Variants in TLR10 observed in about 807,000 individuals in gnomAD.
TLR10 encodes the protein toll-like receptor 10.
For synonymous variants in TLR10, 288 were observed against 338.8 expected (o/e 0.85, Z 1.65); for missense variants, 929 against 932.9 (o/e 1.00, Z 0.05).
intron 1 of TLR10, among the ~76,000 whole-genome samples, chr4:38,781,305 C>G (rs1046634548): frequency 6.6e-6 from 1 of 151,874 alleles, no homozygotes; most frequent in African/African-American, 2.4e-5. Flanking sequence ...TGTGCTTGGC[C>G]TCATTAAAGC....
rs182700988 is a variant in TLR10, at chr4:38,773,740, C to A, written c.1851G>T (p.Trp617Cys). 3.7e-6 allele frequency: 6 copies of A among 1,613,428 alleles called. No homozygotes were observed. In the African/African-American group the frequency reaches 6.7e-5, roughly 18 times the overall value. The change falls in exon 4 of 4, where the codon TGG becomes TGT. Residue 617 changes from tryptophan to cysteine, a missense_variant. By Grantham distance (215) the Trp-to-Cys change is radical. Coordinates refer to ENST00000308973, the MANE Select transcript of TLR10 (RefSeq NM_030956.4). ...LRMLGQCTQT[W>C]HRVRKTTQEQ... ...CTTGGGTTGTTTTCCTAACCCTGTG[C>A]CATGTTTGTGTGCATTGACCTAGCA...
intron 1 of TLR10, among the ~76,000 whole-genome samples, chr4:38,782,683 T>A (rs1725482846): frequency 6.6e-6 from 1 of 152,240 alleles, no homozygotes. Context: ...TGACCAGGTT[T>A]GATCCGCAAT....
chr4:38,774,961 T>C lies in TLR10; in HGVS notation c.630A>G (p.Gly210=). The C allele has an allele frequency of 6.2e-7, 1 of 1,613,528 alleles. No homozygotes were observed. Residue 210 remains glycine (G), a synonymous_variant, in exon 4 of 4, where the codon GGA becomes GGG. Transcript: ENST00000308973. ...DTNFWVLLRD[G]IKTSKILEMT... is the part of the protein sequence containing the mutation. Reference sequence around the variant, plus strand: ...TTTCTAATATTTTTGAAGTCTTGATTCCATCACGCAAAAGAACCCAGAAAT... The same window carrying C: ...TTTCTAATATTTTTGAAGTCTTGATCCCATCACGCAAAAGAACCCAGAAAT...
At position 38,775,452 on chromosome 4, in the gene TLR10, T is replaced by C; in HGVS notation, c.139A>G (p.Thr47Ala). 2 of 1,613,790 alleles carry C rather than the reference T, an allele frequency of 1.2e-6. No homozygotes were observed. Among genetic ancestry groups the C allele is most frequent in the Non-Finnish European group, 1.7e-6 (2 of 1,179,954 alleles). Residue 47 changes from threonine to alanine, a missense_variant, in exon 4 of 4, where the codon ACC (threonine) becomes GCC (alanine). Coordinates refer to ENST00000308973, the MANE Select transcript of TLR10 (RefSeq NM_030956.4). ...MSLRKVPADL[T>A]PATTTLDLSY... ...AAATCCAGTGTCGTTGTGGCTGGGG[T>C]CAAGTCTGCGGGAACCTTTCTTAGA...
chr4:38,774,800 T>A lies in TLR10; in HGVS notation c.791A>T (p.Gln264Leu), dbSNP rs756335851. The change falls in exon 4 of 4, where the codon CAA becomes CTA. Residue 264 changes from glutamine (Q) to leucine (L), a missense_variant. Physicochemically the swap from Gln to Leu is moderately radical, Grantham distance 113. Coordinates refer to ENST00000308973, the MANE Select transcript of TLR10 (RefSeq NM_030956.4). The stretch of plus-strand genomic sequence containing the variant: ...TTCCACTGATGTATGCCAAACAAAT[T>A]GTAAGATAAGGAAAAGGTCGTCCCA... ...LLWDDLFLILQFVWHTSVEHF... is the reference protein window; with the variant it reads ...LLWDDLFLILLFVWHTSVEHF... 3 of 1,598,468 alleles carry A rather than the reference T, an allele frequency of 1.9e-6. No homozygotes were observed.
At chr4:38,781,723 C>G (rs1057019394) in intron 1 of TLR10, among the ~76,000 whole-genome samples, 1 of 152,188 alleles carries the variant, frequency 6.6e-6, no homozygotes, top group Admixed American at 6.5e-5. Context: ...ATTTAATCAT[C>G]TAATTTATCT....
At chr4:38,781,352 T>G (rs1419161619) in intron 1 of TLR10, among the ~76,000 whole-genome samples, 1 of 149,306 alleles carries the variant, frequency 6.7e-6, no homozygotes, top group Non-Finnish European at 1.5e-5. Context: ...TTTTTTTTTT[T>G]GAGATGGAGT....
At chr4:38,776,979 G>T (rs1725094139) in intron 1 of TLR10, among the ~76,000 whole-genome samples, 1 of 152,088 alleles carries the variant, frequency 6.6e-6, no homozygotes, top group Admixed American at 6.6e-5. Context: ...GATCTCATGA[G>T]ACTTATTCAC....
Position 38,776,348 on chromosome 4 carries a change from C to G in TLR10, c.-490G>C, listed in dbSNP as rs1725058382. The G allele has an allele frequency of 9.8e-6, 2 of 203,676 alleles. No homozygotes were observed. Among genetic ancestry groups the G allele is most frequent in the Non-Finnish European group, 1.1e-5 (1 of 94,482 alleles). 12.6% of individuals were successfully genotyped at this position (203,676 alleles called of 1,614,324 possible). ...CTGCCAGTGAATACCAAGCCACAAT[C>G]TTCAGTCTGTTGTTAGACAACTATA... On this transcript the variant is annotated 5_prime_UTR_variant, in exon 2 of 4. Coordinates refer to ENST00000308973, the MANE Select transcript of TLR10 (RefSeq NM_030956.4).
intron 1 of TLR10, among the ~76,000 whole-genome samples, chr4:38,776,797 GAA>G (rs1725083198): frequency 6.6e-6 from 1 of 152,186 alleles, no homozygotes; most frequent in South Asian, 2.1e-4. Flanking sequence ...AAGAAGTTAA[GAA>G]AAGAGAGACT....
chr4:38,773,232 C>G lies in TLR10; in HGVS notation c.2359G>C (p.Glu787Gln), dbSNP rs1468841835. The G allele has an allele frequency of 2.0e-5, 32 of 1,599,996 alleles. No homozygotes were observed. The highest frequency in any genetic ancestry group is 2.6e-5 in the Non-Finnish European group (31 of 1,175,156). ...VNVLATREMY[E>Q]LQTFTELNEE... is the part of the protein sequence containing the mutation. Reference sequence around the variant, plus strand: ...TTTAACTCTGTGAATGTCTGCAGTTCATACATTTCTCTGGTGGCTAATACA... The same window carrying G: ...TTTAACTCTGTGAATGTCTGCAGTTGATACATTTCTCTGGTGGCTAATACA... The change falls in exon 4 of 4, where the codon GAA (glutamate) becomes CAA (glutamine). Residue 787 changes from glutamate to glutamine, a missense_variant. Glu to Gln is a conservative substitution (Grantham distance 29). Transcript: ENST00000308973.
chr4:38,778,429 A>AGAATAAAT (rs1553900917), intron 1 of TLR10, among the ~76,000 whole-genome samples: 5 of 149,020 alleles, frequency 3.4e-5, no homozygotes, highest in Non-Finnish European at 5.9e-5. Context: ...CTTACAGTAT[A>AGAATAAAT]AAATAAATAA....
At chr4:38,779,428 C>T (rs1256139769) in intron 1 of TLR10, among the ~76,000 whole-genome samples, 1 of 152,040 alleles carries the variant, frequency 6.6e-6, no homozygotes, top group Non-Finnish European at 1.5e-5. Flanking sequence ...CAGTGACTCC[C>T]TAGAGTGTAA....
At position 38,775,083 on chromosome 4, in the gene TLR10, C is replaced by T; in HGVS notation, c.508G>A (p.Val170Ile). 2 of 1,612,834 alleles carry T rather than the reference C, an allele frequency of 1.2e-6. No homozygotes were observed. The highest frequency in any genetic ancestry group is 8.5e-7 in the Non-Finnish European group (1 of 1,179,970). ...QKIAHLHLNT[V>I]FLGFRTLPHY... ...GGAAGAGTTCTGAATCCTAAGAAGA[C>T]AGTATTTAGATGCAGATGAGCAATT... The change falls in exon 4 of 4, where the codon GTC becomes ATC. Residue 170 changes from valine (V) to isoleucine (I), a missense_variant. Val to Ile is a conservative substitution (Grantham distance 29, BLOSUM62 3). Transcript: ENST00000308973.
intron 1 of TLR10, among the ~76,000 whole-genome samples, chr4:38,781,753 A>C (rs9998350): frequency 0.15 from 22,498 of 152,222 alleles, 2,849 homozygotes; most frequent in African/African-American, 0.35. Flanking sequence ...GATATAAAGA[A>C]ATAGAAAAGA....
Position 38,773,444 on chromosome 4 carries a change from T to C in TLR10, c.2147A>G (p.Asn716Ser). Residue 716 changes from asparagine (N) to serine (S), a missense_variant, in exon 4 of 4, where the codon AAT becomes AGT. Transcript: ENST00000308973. Reference protein sequence around the residue: ...CHYEFYFAHHNLFHENSDHII... With the variant: ...CHYEFYFAHHSLFHENSDHII... ...ATGATCAGAATTTTCATGGAAGAGA[T>C]TGTGGTGGGCAAAGTAGAATTCATA... The C allele has an allele frequency of 6.2e-7, 1 of 1,611,872 alleles. No homozygotes were observed. The highest frequency in any genetic ancestry group is 8.5e-7 in the Non-Finnish European group (1 of 1,179,280).
rs1724700226 is a variant in TLR10, at chr4:38,772,625, T to C, written c.*530A>G. 6.9e-6 allele frequency: 1 copy of C among 144,086 alleles called. No homozygotes were observed. Among genetic ancestry groups the C allele is most frequent in the Non-Finnish European group, 1.6e-5 (1 of 64,442 alleles). The allele number at this position is 144,086 out of a possible 1,614,324, so 8.9% of individuals were successfully genotyped here. A position where few individuals can be genotyped will look rare whatever the true frequency, so the allele number is the denominator to read the frequency against. ...AGGATGTTTTCCATTTTTTTCTTTT[T>C]TTTTTTTCTTTTTTTTGAGATGGAG... On this transcript the variant is annotated 3_prime_UTR_variant, in exon 4 of 4. Coordinates refer to ENST00000308973, the MANE Select transcript of TLR10 (RefSeq NM_030956.4).
At position 38,774,077 on chromosome 4, in the gene TLR10, A is replaced by G. The variant is rs763207458; in HGVS notation, c.1514T>C (p.Leu505Pro). The G allele has an allele frequency of 6.2e-7, 1 of 1,612,622 alleles. No homozygotes were observed. Among genetic ancestry groups the G allele is most frequent in the Non-Finnish European group, 8.5e-7 (1 of 1,178,784 alleles). ...IEMNFILSPS[L>P]DFVQSCQEVK... is the part of the protein sequence containing the mutation. Reference sequence around the variant, plus strand: ...TTCCTGGCAGCTCTGAACAAAATCCAGAGATGGGCTGAGAATGAAGTTCAT... The same window carrying G: ...TTCCTGGCAGCTCTGAACAAAATCCGGAGATGGGCTGAGAATGAAGTTCAT... Residue 505 changes from leucine (L) to proline (P), a missense_variant, in exon 4 of 4, where the codon CTG becomes CCG. Leu to Pro is a moderately conservative substitution (Grantham distance 98). Transcript: ENST00000308973.
rs189096917 is a variant in TLR10 at position 38,780,822 on chromosome 4, G to T, written c.-569+2099C>A. On this transcript the variant is annotated intron_variant, in intron 1 of 3. Coordinates refer to ENST00000308973, the MANE Select transcript of TLR10 (RefSeq NM_030956.4). ...TTGCTGATTGTTTCTTTTGCCTCAG[G>T]CTCTATTATGGCTTGATAGGACCCT... 1.7e-3 allele frequency among the ~76,000 whole-genome samples: 259 copies of T among 152,250 alleles called. 5 individuals carry two copies. The highest frequency in any genetic ancestry group is 0.014 in the East Asian group (71 of 5,186).
Sources: allele counts gnomAD v4.1 joint callset (sites outside exome capture counted in the v4.1 genomes callset), GRCh38; gene constraint gnomAD v4.1.1; transcripts MANE v1.5; gene names NCBI Gene and HGNC (gene_info 2026-07-23, HGNC 2026-07-21).